DIS3L2: variants seen among roughly 807,000 people sequenced by gnomAD.
DIS3L2 encodes DIS3-like exonuclease 2.
A neutral mutation model predicts 97.5 loss-of-function variants in DIS3L2; 34 were observed. The ratio of observed to expected loss-of-function variants is 0.35; its 90% confidence interval spans 0.27 to 0.46. The LOEUF (loss-of-function observed/expected upper bound fraction) is 0.46, where lower values mean the gene tolerates loss of function less well. Among genes scored for constraint, DIS3L2 ranks in the 20% least tolerant of loss-of-function variants. The pLI, the probability that DIS3L2 is intolerant of heterozygous loss-of-function variation, is 1.00. For missense variants in DIS3L2, 1,038 were observed against 1,146.0 expected, an observed-to-expected ratio of 0.91 and a Z score of 1.36; for synonymous variants, 435 against 445.2, an observed-to-expected ratio of 0.98 and a Z score of 0.29.
At chr2:232,195,223 A>G (rs1691720605) in intron 9 of DIS3L2, among the ~76,000 whole-genome samples, 2 of 152,216 alleles carry the variant, frequency 1.3e-5, no homozygotes, top group African/African-American at 2.4e-5. Context: ...TTATCCTGAA[A>G]TACAGCTGAA....
At chr2:231,995,792 A>G (rs1396824765) in intron 1 of DIS3L2, among the ~76,000 whole-genome samples, 1 of 152,228 alleles carries the variant, frequency 6.6e-6, no homozygotes, top group African/African-American at 2.4e-5. Flanking sequence ...TCAATAATTC[A>G]GTATCAGGTG....
intron 14 of DIS3L2, chr2:232,307,493 A>G (rs1034787199): frequency 6.6e-6 from 1 of 150,604 alleles, no homozygotes; most frequent in Non-Finnish European, 1.5e-5. Flanking sequence ...TGGTAATTAC[A>G]GTCACTTACA....
chr2:232,273,643 C>T (rs1168706895), intron 13 of DIS3L2, among the ~76,000 whole-genome samples: 1 of 152,172 alleles, frequency 6.6e-6, no homozygotes. Flanking sequence ...CTTCGGCACC[C>T]CCAGGGCCTG....
At chr2:232,328,771 G>A (rs1695647959) in intron 14 of DIS3L2, 1 of 152,274 alleles carries the variant, frequency 6.6e-6, no homozygotes, top group Non-Finnish European at 1.5e-5. Context: ...CCCATGAAGA[G>A]GGTCCTGGTC....
intron 14 of DIS3L2, among the ~76,000 whole-genome samples, chr2:232,321,211 A>G (rs1460093607): frequency 2.6e-5 from 4 of 152,112 alleles, no homozygotes; most frequent in Non-Finnish European, 5.9e-5. Context: ...GGAGTGTGAC[A>G]ACCAAGGACC....
chr2:232,205,231 TATATATAA>T (rs1242081735), intron 9 of DIS3L2, among the ~76,000 whole-genome samples: 3 of 132,124 alleles, frequency 2.3e-5, no homozygotes, highest in South Asian at 5.5e-4. Flanking sequence ...TATATATATA[TATATATAA>T]AATGCAGTGA....
chr2:232,335,675 G>C, intron 19 of DIS3L2, 98 bp from the exon 20 acceptor site: 2 of 1,381,192 alleles, frequency 1.4e-6, no homozygotes, highest in Admixed American at 4.1e-5. Context: ...CCAGGGCCGA[G>C]GGCTGAGGGC....
At chr2:232,329,785 T>TGCCCGGGGGCCCCCCC in intron 14 of DIS3L2, 28 bp from the exon 15 acceptor site, 3 of 967,138 alleles carry the variant, frequency 3.1e-6, no homozygotes, top group Non-Finnish European at 4.4e-6. Context: ...ACCCCAGCGG[T>TGCCCGGGGGCCCCCCC]CCCTCCCATC....
intron 5 of DIS3L2, among the ~76,000 whole-genome samples, chr2:232,085,270 C>T (rs552180731): frequency 4.3e-4 from 65 of 152,230 alleles, no homozygotes; most frequent in African/African-American, 1.4e-3. Flanking sequence ...TATTTAATTG[C>T]GCTTCTCACT....
intron 5 of DIS3L2, among the ~76,000 whole-genome samples, chr2:232,077,955 C>CTCTTTCTTTCTTTCTTTCTTTTCTT (rs1696248929): frequency 7.4e-5 from 8 of 108,772 alleles, no homozygotes; most frequent in Non-Finnish European, 1.3e-4. Flanking sequence ...TTCTTTCTTT[C>CTCTTTCTTTCTTTCTTTCTTTTCTT]TCTTTCTTTC....
At chr2:232,242,076 G>A (rs907560799) in intron 11 of DIS3L2, among the ~76,000 whole-genome samples, 1 of 152,186 alleles carries the variant, frequency 6.6e-6, no homozygotes, top group Non-Finnish European at 1.5e-5. Flanking sequence ...TCAGAGTGTT[G>A]ATGTTTTGTT....
intron 6 of DIS3L2, among the ~76,000 whole-genome samples, chr2:232,129,800 C>T (rs867379420): frequency 2.0e-4 from 31 of 152,292 alleles, no homozygotes; most frequent in Middle Eastern, 3.4e-3. Flanking sequence ...GAGGCTCCCA[C>T]GTAAATTGGT....
At chr2:232,200,899 T>G (rs1009344001) in intron 9 of DIS3L2, among the ~76,000 whole-genome samples, 11 of 151,324 alleles carry the variant, frequency 7.3e-5, no homozygotes, top group African/African-American at 2.7e-4. Context: ...TTCTCCTGGC[T>G]CAGCTTCCCG....
chr2:232,050,921 T>C (rs1367682466), intron 5 of DIS3L2, among the ~76,000 whole-genome samples: 1 of 152,228 alleles, frequency 6.6e-6, no homozygotes, highest in Non-Finnish European at 1.5e-5. Flanking sequence ...AGACAATGGC[T>C]CTGCCTAAGG....
chr2:232,023,761 T>C (rs758261694), intron 3 of DIS3L2, among the ~76,000 whole-genome samples: 4 of 152,192 alleles, frequency 2.6e-5, no homozygotes, highest in Non-Finnish European at 5.9e-5. Flanking sequence ...CATTCAGCTC[T>C]GCAGAGGGGC....
At chr2:232,091,344 T>C (rs932883151) in intron 6 of DIS3L2, among the ~76,000 whole-genome samples, 70 of 152,292 alleles carry the variant, frequency 4.6e-4, no homozygotes, top group African/African-American at 1.5e-3. Flanking sequence ...CCTTCTACTC[T>C]CTATCTCCAT....
chr2:232,261,741 G>T (rs1693717531), intron 12 of DIS3L2, among the ~76,000 whole-genome samples: 1 of 152,142 alleles, frequency 6.6e-6, no homozygotes, highest in Non-Finnish European at 1.5e-5. Context: ...GCTTGTCTTT[G>T]TTTTCTCCTC....
chr2:232,210,442 G>A (rs767240850), intron 10 of DIS3L2, 37 bp downstream of exon 10: 2 of 1,576,714 alleles, frequency 1.3e-6, no homozygotes, highest in Middle Eastern at 1.7e-4. Flanking sequence ...TGGGTAGCAG[G>A]CAGTCTGCAT....
At chr2:232,316,566 A>G (rs1055776057) in intron 14 of DIS3L2, among the ~76,000 whole-genome samples, 2 of 151,990 alleles carry the variant, frequency 1.3e-5, no homozygotes, top group African/African-American at 4.8e-5. Context: ...AGCTGTTAGG[A>G]TTCTGTTCAA....
Sources: allele counts gnomAD v4.1 joint callset (sites outside exome capture counted in the v4.1 genomes callset), GRCh38; gene constraint gnomAD v4.1.1; transcripts MANE v1.5; gene names NCBI Gene and HGNC (gene_info 2026-07-23, HGNC 2026-07-21).